Variants in DTNBP1 observed in about 807,000 individuals in gnomAD.
The protein encoded by DTNBP1 is dysbindin.
A neutral mutation model predicts 42.8 loss-of-function variants in DTNBP1; 35 were observed. The observed-to-expected ratio is 0.82, with a 90% CI of 0.63 to 1.09. The LOEUF (loss-of-function observed/expected upper bound fraction) is 1.09. Ranked by LOEUF, DTNBP1 falls within the 50% of genes least tolerant of loss-of-function variation. The pLI is 0.00. For missense variants in DTNBP1, 457 were observed against 424.2 expected (o/e 1.08, Z -0.68); for synonymous variants, 171 against 162.2 (o/e 1.05, Z -0.41).
At chr6:15,543,133 T>C (rs754667855) in intron 7 of DTNBP1, among the ~76,000 whole-genome samples, 16 of 152,238 alleles carry the variant, frequency 1.1e-4, no homozygotes, top group Admixed American at 3.3e-4. Context: ...TTTCCTATTA[T>C]AGATGACTAC....
At position 15,594,520 on chromosome 6, in the gene DTNBP1, T is replaced by C. The variant is rs1050530541; in HGVS notation, c.489-1439A>G. Among the ~76,000 whole-genome samples the C allele has an allele frequency of 3.3e-5, 5 of 151,820 alleles. No individual in the cohort carries two copies. The South Asian group carries it at 1.0e-3, about 32-fold the overall frequency. On this transcript the variant is annotated intron_variant, in intron 6 of 9. Coordinates refer to ENST00000344537, the MANE Select transcript of DTNBP1 (RefSeq NM_032122.5). ...AACAAAAACAAAACCTGTGTAATTG[T>C]TTCCCTTCAGTCAATAATCAACTTC...
At chr6:15,641,862 C>T (rs576886512) in intron 3 of DTNBP1, among the ~76,000 whole-genome samples, 1 of 152,270 alleles carries the variant, frequency 6.6e-6, no homozygotes, top group East Asian at 1.9e-4. Flanking sequence ...TGCAGCCCAT[C>T]AAAAGCACAC....
chr6:15,533,568 C>A, intron 7 of DTNBP1, 173 bp from the exon 8 acceptor site: 1 of 1,073,258 alleles, frequency 9.3e-7, no homozygotes, highest in Non-Finnish European at 1.4e-6. Context: ...CAATCTGCTG[C>A]ACTTCCTCCC....
chr6:15,615,521 T>G, intron 5 of DTNBP1, 122 bp from the exon 6 acceptor site: 1 of 1,322,132 alleles, frequency 7.6e-7, no homozygotes, highest in Non-Finnish European at 1.1e-6. Context: ...TTAATGTTTT[T>G]TATTAAACTT....
At chr6:15,560,886 A>C (rs1449681870) in intron 7 of DTNBP1, among the ~76,000 whole-genome samples, 1 of 152,254 alleles carries the variant, frequency 6.6e-6, no homozygotes, top group Non-Finnish European at 1.5e-5. Context: ...AGAAAGTTCC[A>C]TCAAAGCCAA....
At chr6:15,553,809 C>CG (rs973042540) in intron 7 of DTNBP1, among the ~76,000 whole-genome samples, 2 of 151,702 alleles carry the variant, frequency 1.3e-5, no homozygotes, top group Non-Finnish European at 2.9e-5. Context: ...GGCACTGTGG[C>CG]GTATTAGATA....
chr6:15,629,746 T>C (rs1022912773), intron 4 of DTNBP1, among the ~76,000 whole-genome samples: 1 of 152,192 alleles, frequency 6.6e-6, no homozygotes, highest in African/African-American at 2.4e-5. Flanking sequence ...ATACAGATTT[T>C]AAAAATTGAG....
In DTNBP1 at chr6:15,657,736, C is replaced by T. The variant is rs186785595; in HGVS notation, c.56+5078G>A. Among the ~76,000 whole-genome samples the T allele has an allele frequency of 6.1e-3, 936 of 152,286 alleles. 21 individuals carry two copies. Among genetic ancestry groups the T allele is most frequent in the Non-Finnish European group, 3.0e-3 (207 of 68,014 alleles). On this transcript the variant is annotated intron_variant, in intron 1 of 9. Transcript: ENST00000344537. ...TTGTTCTCTGCTATATCCCCAGTAC[C>T]TAAAATAGTGCCTGCCACATAGTAA...
chr6:15,540,403 A>G (rs1773488009), intron 7 of DTNBP1, among the ~76,000 whole-genome samples: 1 of 152,258 alleles, frequency 6.6e-6, no homozygotes, highest in Non-Finnish European at 1.5e-5. Flanking sequence ...AGATCAATGC[A>G]GAAATCATCA....
chr6:15,597,204 A>G (rs1776547979), intron 6 of DTNBP1, among the ~76,000 whole-genome samples: 1 of 152,182 alleles, frequency 6.6e-6, no homozygotes, highest in Non-Finnish European at 1.5e-5. Flanking sequence ...TTAGAAATCA[A>G]TGTCATAGAT....
rs1322661996 is a variant in DTNBP1 at position 15,551,607 on chromosome 6, G to A, written c.512-18212C>T. On this transcript the variant is annotated intron_variant, in intron 7 of 9. Transcript: ENST00000344537. ...ACTGCCCCCTTCTCTGACAGGCCAG[G>A]GAGACCCAGGCTCTCTTTCCTCCAC... is the stretch of plus-strand genomic sequence containing the variant. Among the ~76,000 whole-genome samples, 7 of 152,198 alleles carry A rather than the reference G, an allele frequency of 4.6e-5. No homozygotes were observed. In the South Asian group the frequency reaches 1.0e-3, roughly 23 times the overall value.
intron 7 of DTNBP1, among the ~76,000 whole-genome samples, chr6:15,547,153 G>A (rs1318618081): frequency 6.6e-6 from 1 of 151,904 alleles, no homozygotes; most frequent in African/African-American, 2.4e-5. Flanking sequence ...TTTTTAAAAC[G>A]CTGCATAAAA....
intron 7 of DTNBP1, among the ~76,000 whole-genome samples, chr6:15,579,255 G>A (rs370201110): frequency 6.6e-6 from 1 of 152,156 alleles, no homozygotes; most frequent in African/African-American, 2.4e-5. Flanking sequence ...CAACATGGAT[G>A]AGCCTGTAAA....
At chr6:15,642,130 T>C (rs1003220110) in intron 3 of DTNBP1, among the ~76,000 whole-genome samples, 7 of 151,898 alleles carry the variant, frequency 4.6e-5, no homozygotes, top group African/African-American at 1.7e-4. Context: ...CAACTCCCCT[T>C]CCCTACACAG....
chr6:15,656,874 C>T (rs1157648396), intron 1 of DTNBP1, among the ~76,000 whole-genome samples: 1 of 152,236 alleles, frequency 6.6e-6, no homozygotes, highest in Non-Finnish European at 1.5e-5. Context: ...TTACTTGTAA[C>T]TCAATTTCCA....
intron 7 of DTNBP1, among the ~76,000 whole-genome samples, chr6:15,535,312 A>G (rs1465921620): frequency 1.3e-5 from 2 of 151,906 alleles, no homozygotes; most frequent in East Asian, 3.9e-4. Context: ...TTTGTTTATA[A>G]ATTACCTATT....
chr6:15,541,675 A>G (rs1434578359), intron 7 of DTNBP1, among the ~76,000 whole-genome samples: 1 of 152,208 alleles, frequency 6.6e-6, no homozygotes, highest in East Asian at 1.9e-4. Flanking sequence ...CTTCCACTTT[A>G]GTTACCACTA....
chr6:15,523,474 A>G, intron 9 of DTNBP1: 2 of 1,295,548 alleles, frequency 1.5e-6, no homozygotes, highest in African/African-American at 1.5e-5. Context: ...AGTGCTCCTA[A>G]GGCTGTAATA....
intron 6 of DTNBP1, among the ~76,000 whole-genome samples, chr6:15,602,888 G>A (rs1034926760): frequency 6.6e-6 from 1 of 152,120 alleles, no homozygotes; most frequent in Admixed American, 6.5e-5. Context: ...AAGAGATAAC[G>A]AAAAGAATTT....
Sources: allele counts gnomAD v4.1 joint callset (sites outside exome capture counted in the v4.1 genomes callset), GRCh38; gene constraint gnomAD v4.1.1; transcripts MANE v1.5; gene names NCBI Gene and HGNC (gene_info 2026-07-23, HGNC 2026-07-21).